DPF3: variants seen among roughly 807,000 people sequenced by gnomAD.
The protein encoded by DPF3 is double PHD fingers 3.
DPF3 carries 18 observed loss-of-function variants against 56.8 expected under a neutral mutation model. That is an observed-to-expected ratio of 0.32 (90% CI 0.22 to 0.47). DPF3 has a LOEUF of 0.47. Among genes scored for constraint, DPF3 ranks in the 20% least tolerant of loss-of-function variants. The probability of loss-of-function intolerance (pLI) is 1.00; values close to 1 mark genes in which losing one functional copy is unlikely to be tolerated. For synonymous variants in DPF3, 188 were observed against 180.2 expected (o/e 1.04, Z -0.35); for missense variants, 403 against 488.8 (o/e 0.82, Z 1.65).
intron 1 of DPF3, among the ~76,000 whole-genome samples, chr14:72,821,614 T>C (rs17781600): frequency 0.094 from 14,246 of 151,168 alleles, 827 homozygotes; most frequent in Admixed American, 0.18. Context: ...TAGAAAGGAG[T>C]GAGATGTGTA....
chr14:72,876,222 C>T (rs1368682948), intron 1 of DPF3, among the ~76,000 whole-genome samples: 2 of 152,200 alleles, frequency 1.3e-5, no homozygotes, highest in Non-Finnish European at 2.9e-5. Flanking sequence ...ATTGATGGCT[C>T]ACACCAGTGT....
chr14:72,618,373 C>A lies in DPF3; in HGVS notation c.*924G>T, dbSNP rs908104964. On this transcript the variant is annotated 3_prime_UTR_variant, in exon 11 of 11. Coordinates refer to ENST00000556509, the MANE Select transcript of DPF3 (RefSeq NM_001280542.3). ...AGCATTCGGACACATGATTGGGCAG[C>A]CTTCGCTCCCCTTCCTGGTTCTTCA... is the stretch of plus-strand genomic sequence containing the variant. Among the ~76,000 whole-genome samples the A allele has an allele frequency of 6.6e-6, 1 of 152,182 alleles. No individual in the cohort carries two copies. Among genetic ancestry groups the A allele is most frequent in the South Asian group, 2.1e-4 (1 of 4,832 alleles).
intron 2 of DPF3, among the ~76,000 whole-genome samples, chr14:72,760,240 G>A (rs1022339900): frequency 2.0e-5 from 3 of 152,186 alleles, no homozygotes; most frequent in Admixed American, 2.0e-4. Flanking sequence ...GGAGGCCAAG[G>A]CAGGCACATC....
At chr14:72,880,018 T>C (rs981867946) in intron 1 of DPF3, 1 of 1,387,226 alleles carries the variant, frequency 7.2e-7, no homozygotes, top group Non-Finnish European at 9.4e-7. Context: ...TAGACTGTGG[T>C]ATAGAATCCA....
intron 1 of DPF3, among the ~76,000 whole-genome samples, chr14:72,829,999 G>A (rs953768784): frequency 7.9e-5 from 12 of 152,162 alleles, no homozygotes; most frequent in Admixed American, 6.6e-5. Context: ...GCCCACCTCG[G>A]CTTCCCAAAG....
chr14:72,760,683 TAAC>T (rs1163173802), intron 2 of DPF3, among the ~76,000 whole-genome samples: 2 of 152,086 alleles, frequency 1.3e-5, no homozygotes, highest in East Asian at 1.9e-4. Context: ...ATCACTAAAA[TAAC>T]AACAAAACAA....
chr14:72,821,260 G>A (rs1337873582), intron 1 of DPF3, among the ~76,000 whole-genome samples: 2 of 152,058 alleles, frequency 1.3e-5, no homozygotes, highest in African/African-American at 4.8e-5. Context: ...CTCCAGCTTG[G>A]GCAACAGAGT....
In DPF3 at chr14:72,619,081, G is replaced by C. The variant is rs1243534893; in HGVS notation, c.*216C>G. 6.6e-6 allele frequency among the ~76,000 whole-genome samples: 1 copy of C among 152,216 alleles called. No homozygotes were observed. On this transcript the variant is annotated 3_prime_UTR_variant, in exon 11 of 11. Transcript: ENST00000556509. ...TCTCCCAAAGTGCAACTTCCTTCCG[G>C]TAGAGACAAGGAGGTGCTGGCTGAA...
At chr14:72,792,093 C>A (rs949084109) in intron 1 of DPF3, among the ~76,000 whole-genome samples, 2 of 152,206 alleles carry the variant, frequency 1.3e-5, no homozygotes, top group Non-Finnish European at 2.9e-5. Flanking sequence ...CCCCCCACCC[C>A]CGCCCCCAAC....
intron 1 of DPF3, among the ~76,000 whole-genome samples, chr14:72,794,681 G>T (rs1029348105): frequency 3.3e-5 from 5 of 152,190 alleles, no homozygotes; most frequent in African/African-American, 1.2e-4. Context: ...AGGTAGAAGG[G>T]TGCTGTGTTG....
intron 5 of DPF3, among the ~76,000 whole-genome samples, chr14:72,722,954 C>T (rs1345293652): frequency 6.6e-6 from 1 of 152,100 alleles, no homozygotes; most frequent in East Asian, 1.9e-4. Context: ...GAGCTCATGC[C>T]AAACCCACTG....
intron 10 of DPF3, 97 bp from the exon 11 acceptor site, chr14:72,619,464 A>C: frequency 1.4e-6 from 2 of 1,382,914 alleles, no homozygotes; most frequent in Non-Finnish European, 2.0e-6. Context: ...TTTCCTTTGA[A>C]CTTTGGCAAT....
intron 1 of DPF3, among the ~76,000 whole-genome samples, chr14:72,874,690 T>C (rs1371055031): frequency 6.6e-6 from 1 of 152,204 alleles, no homozygotes; most frequent in East Asian, 1.9e-4. Flanking sequence ...GCCTGGATTT[T>C]ATTATCCATA....
At chr14:72,620,837 A>G (rs1884386784) in intron 9 of DPF3, among the ~76,000 whole-genome samples, 1 of 152,198 alleles carries the variant, frequency 6.6e-6, no homozygotes, top group African/African-American at 2.4e-5. Context: ...TGTGGTAGAC[A>G]TCTAATCACG....
intron 1 of DPF3, among the ~76,000 whole-genome samples, chr14:72,888,956 T>G (rs1886650461): frequency 6.6e-6 from 1 of 152,226 alleles, no homozygotes; most frequent in Non-Finnish European, 1.5e-5. Flanking sequence ...CAGCCTCAGT[T>G]TCCATTCTTT....
chr14:72,772,033 G>A (rs1178838459), intron 1 of DPF3, 140 bp from the exon 2 acceptor site: 1 of 952,600 alleles, frequency 1.0e-6, no homozygotes, highest in East Asian at 3.2e-5. Context: ...TGAGCACCAA[G>A]AGCCTTGCCA....
intron 7 of DPF3, among the ~76,000 whole-genome samples, chr14:72,680,047 G>A (rs1432088851): frequency 6.6e-6 from 1 of 152,082 alleles, no homozygotes; most frequent in African/African-American, 2.4e-5. Flanking sequence ...GGGCTGGGGA[G>A]ACAAGGCGCC....
chr14:72,633,094 A>G (rs1437204393), intron 8 of DPF3, among the ~76,000 whole-genome samples: 1 of 152,184 alleles, frequency 6.6e-6, no homozygotes, highest in Non-Finnish European at 1.5e-5. Context: ...GGAATATGGG[A>G]AAATGATGAG....
Position 72,619,441 on chromosome 14 carries a change from C to A in DPF3, c.1067-74G>T, listed in dbSNP as rs1884284704. On this transcript the variant is annotated intron_variant, in intron 10 of 10. Coordinates refer to ENST00000556509, the MANE Select transcript of DPF3 (RefSeq NM_001280542.3). ...AGCCCCACCCCACTGGCCCTAACTT[C>A]TTGTAAATCCTGTTTCCTTTGAACT... 10 of 1,466,798 alleles carry A rather than the reference C, an allele frequency of 6.8e-6. No homozygotes were observed. The Admixed American group carries it at 1.8e-4, about 27-fold the overall frequency. 90.9% of individuals were successfully genotyped at this position (1,466,798 alleles called of 1,614,324 possible).
Sources: allele counts gnomAD v4.1 joint callset (sites outside exome capture counted in the v4.1 genomes callset), GRCh38; gene constraint gnomAD v4.1.1; transcripts MANE v1.5; gene names NCBI Gene and HGNC (gene_info 2026-07-23, HGNC 2026-07-21).